Variants in LRMDA observed in about 807,000 individuals in gnomAD.
LRMDA encodes the protein leucine-rich melanocyte differentiation-associated protein.
In LRMDA, 18 loss-of-function variants were observed where a neutral mutation model predicts 29.8. The observed-to-expected ratio is 0.60, with a 90% confidence interval of 0.42 to 0.90. LRMDA has a LOEUF of 0.90. Ranked by LOEUF, LRMDA falls within the 40% of genes least tolerant of loss-of-function variation. LRMDA has a pLI of 0.00. For missense variants in LRMDA, 273 were observed against 273.9 expected, an observed-to-expected ratio of 1.00 and a Z score of 0.02; for synonymous variants, 125 against 109.4, an observed-to-expected ratio of 1.14 and a Z score of -0.89.
intron 2 of LRMDA, among the ~76,000 whole-genome samples, chr10:75,711,724 A>T (rs1842438376): frequency 6.6e-6 from 1 of 152,166 alleles, no homozygotes; most frequent in Non-Finnish European, 1.5e-5. Context: ...CTCAAATTAT[A>T]CACCTTTGAA....
chr10:75,621,219 CA>C (rs1564524611), intron 2 of LRMDA, among the ~76,000 whole-genome samples: 34 of 130,856 alleles, frequency 2.6e-4, no homozygotes, highest in East Asian at 1.5e-3. Context: ...CACACACACA[CA>C]CACACCCACA....
At chr10:76,399,315 G>A (rs1419281553) in intron 6 of LRMDA, among the ~76,000 whole-genome samples, 3 of 152,172 alleles carry the variant, frequency 2.0e-5, no homozygotes, top group Admixed American at 1.3e-4. Context: ...TTTCGAAGTA[G>A]TTGGCTCTTG....
In LRMDA at chr10:75,735,866, CAG is replaced by C. The variant is rs1213374235; in HGVS notation, c.131+297377_131+297378del. Among the ~76,000 whole-genome samples the C allele has an allele frequency of 9.8e-5, 15 of 152,322 alleles. No individual in the cohort carries two copies. The East Asian group carries it at 2.3e-3, about 23-fold the overall frequency. ...TTATCTACGGATCGTGTGTGAGACACAGAGAGTCAGACACACACTGTTACTTA... is the reference window on the plus strand; with the variant it reads ...TTATCTACGGATCGTGTGTGAGACACAGAGTCAGACACACACTGTTACTTA... On this transcript the variant is annotated intron_variant, in intron 2 of 6. Transcript: ENST00000611255.
intron 6 of LRMDA, among the ~76,000 whole-genome samples, chr10:76,446,506 T>C (rs568034221): frequency 6.6e-6 from 1 of 152,360 alleles, no homozygotes; most frequent in South Asian, 2.1e-4. Context: ...TCAAGATTGC[T>C]AATCATGCTG....
intron 2 of LRMDA, among the ~76,000 whole-genome samples, chr10:75,981,547 A>AT (rs1190769219): frequency 3.9e-5 from 6 of 152,128 alleles, no homozygotes; most frequent in African/African-American, 1.4e-4. Flanking sequence ...TTATCCATAC[A>AT]TTTTAAGCTC....
At chr10:75,631,690 A>T (rs1841325806) in intron 2 of LRMDA, among the ~76,000 whole-genome samples, 1 of 152,148 alleles carries the variant, frequency 6.6e-6, no homozygotes, top group Non-Finnish European at 1.5e-5. Context: ...ATCACTGGCC[A>T]TCAGCGCCAC....
At chr10:76,097,089 C>A (rs1447512690) in intron 5 of LRMDA, among the ~76,000 whole-genome samples, 1 of 152,056 alleles carries the variant, frequency 6.6e-6, no homozygotes, top group African/African-American at 2.4e-5. Flanking sequence ...TGGCTCACTG[C>A]AACCTCCGCC....
chr10:76,086,257 A>G (rs576683708), intron 5 of LRMDA, among the ~76,000 whole-genome samples: 26 of 152,146 alleles, frequency 1.7e-4, no homozygotes, highest in South Asian at 1.5e-3. Context: ...ACTCTCACCA[A>G]CCCATACTTT....
chr10:76,506,547 A>G (rs1257382194), intron 6 of LRMDA, among the ~76,000 whole-genome samples: 2 of 152,178 alleles, frequency 1.3e-5, no homozygotes, highest in South Asian at 4.1e-4. Flanking sequence ...ATTTGCAGCT[A>G]TCTGCTATCA....
chr10:75,621,218 A>C (rs1163144326), intron 2 of LRMDA, among the ~76,000 whole-genome samples: 4 of 130,122 alleles, frequency 3.1e-5, no homozygotes, highest in South Asian at 2.4e-4. Flanking sequence ...ACACACACAC[A>C]CACACACCCA....
At chr10:76,348,766 G>T (rs996350315) in intron 6 of LRMDA, among the ~76,000 whole-genome samples, 1 of 152,188 alleles carries the variant, frequency 6.6e-6, no homozygotes, top group South Asian at 2.1e-4. Flanking sequence ...AATGGCAAAG[G>T]TCCCTGCCTC....
intron 5 of LRMDA, among the ~76,000 whole-genome samples, chr10:76,316,893 G>C (rs565058175): frequency 3.7e-4 from 57 of 152,316 alleles, no homozygotes; most frequent in Non-Finnish European, 7.1e-4. Context: ...AACTACCCAT[G>C]CTATTAGTAA....
intron 2 of LRMDA, among the ~76,000 whole-genome samples, chr10:75,732,241 C>T (rs1223339790): frequency 6.6e-6 from 1 of 152,056 alleles, no homozygotes; most frequent in Non-Finnish European, 1.5e-5. Flanking sequence ...ATCTGGATAC[C>T]TAACGACTGG....
At chr10:76,376,472 G>T (rs754902388) in intron 6 of LRMDA, among the ~76,000 whole-genome samples, 2 of 152,078 alleles carry the variant, frequency 1.3e-5, no homozygotes, top group Non-Finnish European at 2.9e-5. Flanking sequence ...GTCATCTGTG[G>T]ATGGACACCT....
intron 2 of LRMDA, among the ~76,000 whole-genome samples, chr10:75,596,783 A>T (rs183314356): frequency 6.6e-6 from 1 of 152,116 alleles, no homozygotes; most frequent in Admixed American, 6.5e-5. Flanking sequence ...TTACTCTCAT[A>T]TCTAGCTGGG....
intron 6 of LRMDA, among the ~76,000 whole-genome samples, chr10:76,477,983 T>G (rs1379375389): frequency 6.6e-6 from 1 of 152,084 alleles, no homozygotes; most frequent in Non-Finnish European, 1.5e-5. Context: ...ATTGAGGACA[T>G]AGGCACGGGC....
intron 2 of LRMDA, among the ~76,000 whole-genome samples, chr10:75,626,017 A>AT (rs57604350): frequency 5.8e-4 from 85 of 146,584 alleles, no homozygotes; most frequent in Middle Eastern, 3.5e-3. Flanking sequence ...ATGCCTGGCT[A>AT]TTTTTTTTTT....
intron 2 of LRMDA, among the ~76,000 whole-genome samples, chr10:75,795,827 T>G (rs1243857206): frequency 2.0e-5 from 3 of 152,220 alleles, no homozygotes; most frequent in Non-Finnish European, 4.4e-5. Context: ...ACTCTATGAA[T>G]TTGTGGAATG....
At chr10:75,521,572 G>C (rs1348106934) in intron 2 of LRMDA, among the ~76,000 whole-genome samples, 1 of 152,194 alleles carries the variant, frequency 6.6e-6, no homozygotes, top group Admixed American at 6.5e-5. Flanking sequence ...GAAAAGTGCA[G>C]TATTTGGTTG....
Sources: allele counts gnomAD v4.1 joint callset (sites outside exome capture counted in the v4.1 genomes callset), GRCh38; gene constraint gnomAD v4.1.1; transcripts MANE v1.5; gene names NCBI Gene and HGNC (gene_info 2026-07-23, HGNC 2026-07-21).